RBFOX1: variants seen among roughly 807,000 people sequenced by gnomAD.
RBFOX1 encodes RNA binding protein fox-1 homolog 1.
A neutral mutation model predicts 57.7 loss-of-function variants in RBFOX1; 8 were observed. The ratio of observed to expected loss-of-function variants is 0.14; its 90% CI spans 0.08 to 0.25. The LOEUF (loss-of-function observed/expected upper bound fraction) is 0.25, where lower values mean the gene tolerates loss of function less well. Ranked by LOEUF, RBFOX1 falls within the 10% of genes least tolerant of loss-of-function variation. RBFOX1 has a pLI of 1.00. For missense variants in RBFOX1, 611 were observed against 548.5 expected, an observed-to-expected ratio of 1.11 and a Z score of -1.14; for synonymous variants, 326 against 222.4, an observed-to-expected ratio of 1.47 and a Z score of -4.15.
At chr16:5,754,646 G>A (rs570120784) in intron 3 of RBFOX1, among the ~76,000 whole-genome samples, 160 of 116,814 alleles carry the variant, frequency 1.4e-3, no homozygotes, top group African/African-American at 5.2e-3. Flanking sequence ...AGACAAACAC[G>A]TGAACAAAGG....
At chr16:5,814,942 A>AAAAAAAAG (rs897119912) in intron 3 of RBFOX1, among the ~76,000 whole-genome samples, 3 of 151,290 alleles carry the variant, frequency 2.0e-5, no homozygotes, top group Admixed American at 2.0e-4. Context: ...TCTCAAAAAG[A>AAAAAAAAG]AAAAAAAGAA....
rs954997837 is a variant in RBFOX1 at position 6,168,296 on chromosome 16, A to AT, written c.-127+148310dup. 5.3e-5 allele frequency among the ~76,000 whole-genome samples: 8 copies of AT among 152,288 alleles called. No homozygotes were observed. The South Asian group carries it at 1.0e-3, about 20-fold the overall frequency. On this transcript the variant is annotated intron_variant, in intron 1 of 15. Coordinates refer to ENST00000550418, the MANE Select transcript of RBFOX1 (RefSeq NM_018723.4). ...GGAGGGTTTCAGGCCCCAGTGGGCG[A>AT]TTTTTTGGAGGATTTCCCATTACAA...
At chr16:6,666,995 C>G (rs934401496) in intron 3 of RBFOX1, among the ~76,000 whole-genome samples, 7 of 152,154 alleles carry the variant, frequency 4.6e-5, no homozygotes, top group African/African-American at 7.2e-5. Flanking sequence ...GGATGGGTCT[C>G]TGCACCTGCC....
At chr16:6,884,009 G>A (rs1331666678) in intron 3 of RBFOX1, among the ~76,000 whole-genome samples, 2 of 152,162 alleles carry the variant, frequency 1.3e-5, no homozygotes, top group Non-Finnish European at 2.9e-5. Flanking sequence ...CACACACAAG[G>A]AGGGGGTGTT....
At chr16:6,473,633 G>A (rs2095226734) in intron 2 of RBFOX1, among the ~76,000 whole-genome samples, 1 of 152,046 alleles carries the variant, frequency 6.6e-6, no homozygotes, top group African/African-American at 2.4e-5. Flanking sequence ...AATAAACAGA[G>A]GCTATTTATT....
intron 2 of RBFOX1, among the ~76,000 whole-genome samples, chr16:6,452,903 G>A (rs1000505151): frequency 1.3e-5 from 2 of 152,180 alleles, no homozygotes; most frequent in African/African-American, 4.8e-5. Flanking sequence ...TTAGCACACA[G>A]CTTTGCACCT....
chr16:5,646,737 C>G (rs567738120), intron 3 of RBFOX1, among the ~76,000 whole-genome samples: 1 of 152,204 alleles, frequency 6.6e-6, no homozygotes, highest in Non-Finnish European at 1.5e-5. Context: ...CAGGTTCACA[C>G]CATTCTCCTG....
chr16:6,529,373 A>G (rs975122541), intron 2 of RBFOX1, among the ~76,000 whole-genome samples: 16 of 152,142 alleles, frequency 1.1e-4, no homozygotes, highest in African/African-American at 3.9e-4. Context: ...AGCCTGACCA[A>G]CTTGGTGATA....
At chr16:6,505,809 A>ACATT (rs755460136) in intron 2 of RBFOX1, among the ~76,000 whole-genome samples, 3 of 152,234 alleles carry the variant, frequency 2.0e-5, no homozygotes, top group Non-Finnish European at 4.4e-5. Flanking sequence ...TTCTGATAAC[A>ACATT]CATTCATTCA....
chr16:7,587,237 T>G lies in RBFOX1; in HGVS notation c.415-10T>G. The G allele has an allele frequency of 6.4e-7, 1 of 1,566,806 alleles. No homozygotes were observed. Among genetic ancestry groups the G allele is most frequent in the Non-Finnish European group, 8.6e-7 (1 of 1,156,422 alleles). Reference sequence around the variant, plus strand: ...CTTCTTGCTTATAAGATATTTCTATTTCTTTGCAGCAATTTGGTAAAATCT... The same window carrying G: ...CTTCTTGCTTATAAGATATTTCTATGTCTTTGCAGCAATTTGGTAAAATCT... On this transcript the variant is annotated splice_polypyrimidine_tract_variant and intron_variant, in intron 6 of 15. Coordinates refer to ENST00000550418, the MANE Select transcript of RBFOX1 (RefSeq NM_018723.4).
intron 3 of RBFOX1, among the ~76,000 whole-genome samples, chr16:5,815,042 G>T (rs1050158269): frequency 1.3e-5 from 2 of 151,720 alleles, no homozygotes; most frequent in African/African-American, 4.8e-5. Context: ...GAAGTGCAGT[G>T]GCATGATTCT....
intron 1 of RBFOX1, among the ~76,000 whole-genome samples, chr16:6,173,284 A>C (rs2152770322): frequency 6.6e-6 from 1 of 152,268 alleles, no homozygotes; most frequent in African/African-American, 2.4e-5. Flanking sequence ...CTTGACAGGA[A>C]AACAGATCTC....
intron 3 of RBFOX1, among the ~76,000 whole-genome samples, chr16:6,740,067 C>A (rs28854895): frequency 0.097 from 14,700 of 152,094 alleles, 935 homozygotes; most frequent in African/African-American, 0.17. Flanking sequence ...GACTTATGCA[C>A]CCCAACCTAA....
At chr16:7,363,717 T>G (rs2097375851) in intron 4 of RBFOX1, among the ~76,000 whole-genome samples, 1 of 152,304 alleles carries the variant, frequency 6.6e-6, no homozygotes. Flanking sequence ...CCTTTTTGCT[T>G]ACGGCTAAGT....
At chr16:6,436,337 T>C (rs2345077) in intron 2 of RBFOX1, among the ~76,000 whole-genome samples, 58,517 of 151,914 alleles carry the variant, frequency 0.39, 14,175 homozygotes, top group African/African-American at 0.69. Flanking sequence ...GTATATTTTA[T>C]ACCACCAATA....
intron 1 of RBFOX1, among the ~76,000 whole-genome samples, chr16:6,167,721 T>G (rs2096928127): frequency 6.6e-6 from 1 of 152,140 alleles, no homozygotes; most frequent in Non-Finnish European, 1.5e-5. Context: ...AGCAATCTGC[T>G]TGAAGGTCAG....
intron 1 of RBFOX1, among the ~76,000 whole-genome samples, chr16:6,312,677 C>CTTCCTTCT (rs2152766308): frequency 6.8e-6 from 1 of 147,064 alleles, no homozygotes; most frequent in South Asian, 2.2e-4. Flanking sequence ...TCCTTCCTTC[C>CTTCCTTCT]TTCCTTCCTT....
intron 1 of RBFOX1, among the ~76,000 whole-genome samples, chr16:5,422,940 G>C (rs2067393035): frequency 8.2e-6 from 1 of 122,644 alleles, no homozygotes. Flanking sequence ...ATGAGGGAGA[G>C]GGAAGGGGGA....
intron 3 of RBFOX1, among the ~76,000 whole-genome samples, chr16:6,666,866 T>C (rs1438453465): frequency 6.6e-6 from 1 of 152,162 alleles, no homozygotes; most frequent in African/African-American, 2.4e-5. Flanking sequence ...TAAGGTATTA[T>C]CTCGGGGTCC....
Sources: gnomAD v4.1 joint callset for allele counts (sites outside exome capture counted in the v4.1 genomes callset) on GRCh38, gnomAD v4.1.1 for gene constraint, MANE v1.5 for transcripts, NCBI Gene and HGNC (gene_info 2026-07-23, HGNC 2026-07-21) for gene names.